The following NT5DC3 variants were observed in gnomAD, a reference collection of about 807,000 sequenced individuals.
NT5DC3 encodes the protein 5'-nucleotidase domain-containing protein 3.
In NT5DC3, 42 loss-of-function variants were observed where a neutral mutation model predicts 67.8. The observed-to-expected ratio is 0.62, with a 90% CI of 0.48 to 0.80. The LOEUF (loss-of-function observed/expected upper bound fraction) is 0.80, where lower values mean the gene tolerates loss of function less well. NT5DC3 is among the 30% of genes least tolerant of loss of function. The pLI, the probability that NT5DC3 is intolerant of heterozygous loss-of-function variation, is 0.00. For synonymous variants in NT5DC3, 237 were observed against 255.6 expected, an observed-to-expected ratio of 0.93 and a Z score of 0.69; for missense variants, 570 against 696.4, an observed-to-expected ratio of 0.82 and a Z score of 2.04.
rs755588419 is a variant in NT5DC3, at chr12:103,794,048, A to C, written c.754-51T>G. 2.8e-6 allele frequency: 4 copies of C among 1,409,580 alleles called. No homozygotes were observed. In the Admixed American group the frequency reaches 6.7e-5, roughly 24 times the overall value. The allele number at this position is 1,409,580 out of a possible 1,614,324, so 87.3% of individuals were successfully genotyped here. A position where few individuals can be genotyped will look rare whatever the true frequency, so the allele number is the denominator to read the frequency against. On this transcript the variant is annotated intron_variant, in intron 6 of 13. Transcript: ENST00000392876. ...GCGAAAATACAACTGAGATAGCCTGAGTAACAGTACAAGTGAAATGGCAGT... is the reference window on the plus strand; with the variant it reads ...GCGAAAATACAACTGAGATAGCCTGCGTAACAGTACAAGTGAAATGGCAGT...
intron 1 of NT5DC3, among the ~76,000 whole-genome samples, chr12:103,837,154 G>A (rs1272804233): frequency 6.6e-6 from 1 of 152,222 alleles, no homozygotes; most frequent in Admixed American, 6.5e-5. Flanking sequence ...GGAAGCTGAC[G>A]AGGCTTGGGG....
chr12:103,749,665 T>TA, the NT5DC3 span, among the ~76,000 whole-genome samples: 2 of 123,802 alleles, frequency 1.6e-5, no homozygotes, highest in South Asian at 2.5e-4. Context: ...CCATGTCTAC[T>TA]AAAAAAATGC....
At chr12:103,769,819 A>G (rs1885141815), downstream of NT5DC3, among the ~76,000 whole-genome samples, 1 of 152,294 alleles carries the variant, frequency 6.6e-6, no homozygotes, top group African/African-American at 2.4e-5. Flanking sequence ...AACATTTTTA[A>G]CGACAAATGT....
At chr12:103,760,802 C>T in the NT5DC3 span, among the ~76,000 whole-genome samples, 1 of 152,162 alleles carries the variant, frequency 6.6e-6, no homozygotes, top group Non-Finnish European at 1.5e-5. Context: ...ACTAGTGTCT[C>T]TCAAAATTTA....
At chr12:103,791,763 C>A (rs1478179210) in intron 9 of NT5DC3, among the ~76,000 whole-genome samples, 1 of 152,152 alleles carries the variant, frequency 6.6e-6, no homozygotes, top group Non-Finnish European at 1.5e-5. Context: ...CAACTCCTGG[C>A]AAATCAGTGG....
intron 1 of NT5DC3, among the ~76,000 whole-genome samples, chr12:103,825,295 T>C (rs78823917): frequency 0.1 from 15,450 of 152,270 alleles, 1,122 homozygotes; most frequent in East Asian, 0.29. Context: ...CTGTAAGTAA[T>C]ATCTGTATTT....
chr12:103,791,742 C>T (rs996762346), intron 9 of NT5DC3, among the ~76,000 whole-genome samples: 5 of 152,198 alleles, frequency 3.3e-5, no homozygotes, highest in African/African-American at 7.2e-5. Flanking sequence ...AGAGCATTAC[C>T]GCCTGAGCTC....
intron 1 of NT5DC3, among the ~76,000 whole-genome samples, chr12:103,828,082 A>G (rs118033087): frequency 0.021 from 3,170 of 152,394 alleles, 53 homozygotes; most frequent in Non-Finnish European, 0.031. Flanking sequence ...CTGACAAACT[A>G]GAGTGAAAGC....
At chr12:103,753,345 G>A in the NT5DC3 span, 1 of 1,614,246 alleles carries the variant, frequency 6.2e-7, no homozygotes, top group Non-Finnish European at 8.5e-7. Flanking sequence ...GCTCTCCTAT[G>A]CCCAGAAGGT....
chr12:103,773,685 C>G lies in NT5DC3; in HGVS notation c.*4144G>C, dbSNP rs181498376. On this transcript the variant is annotated 3_prime_UTR_variant, in exon 14 of 14. Coordinates refer to ENST00000392876, the MANE Select transcript of NT5DC3 (RefSeq NM_001031701.3). ...TCTTAGAGCATTCTAGACAAGGAGCCCCAAGTGGTCTTTGGCAGCAAATGA... is the reference window on the plus strand; with the variant it reads ...TCTTAGAGCATTCTAGACAAGGAGCGCCAAGTGGTCTTTGGCAGCAAATGA... 1 of 152,266 alleles carries G rather than the reference C, an allele frequency of 6.6e-6. No homozygotes were observed. Among genetic ancestry groups the G allele is most frequent in the South Asian group, 2.1e-4 (1 of 4,824 alleles). 9.4% of individuals were successfully genotyped at this position (152,266 alleles called of 1,614,324 possible). A position where few individuals can be genotyped will look rare whatever the true frequency, so the allele number is the denominator to read the frequency against.
At chr12:103,761,965 A>C in the NT5DC3 span, among the ~76,000 whole-genome samples, 1 of 152,282 alleles carries the variant, frequency 6.6e-6, no homozygotes, top group East Asian at 1.9e-4. Flanking sequence ...AGAAGCTCCA[A>C]AGCCAGACTG....
chr12:103,789,907 C>T (rs1885966929), intron 9 of NT5DC3, among the ~76,000 whole-genome samples: 1 of 152,184 alleles, frequency 6.6e-6, no homozygotes, highest in African/African-American at 2.4e-5. Flanking sequence ...CCACCATGTA[C>T]ACTTAACATT....
chr12:103,820,852 G>A (rs1425494963), intron 1 of NT5DC3: 1 of 152,242 alleles, frequency 6.6e-6, no homozygotes, highest in Non-Finnish European at 1.5e-5. Context: ...ACAAACCGAG[G>A]TCCCAAAGGC....
At chr12:103,762,374 G>C in the NT5DC3 span, 1 of 1,614,194 alleles carries the variant, frequency 6.2e-7, no homozygotes, top group Non-Finnish European at 8.5e-7. Flanking sequence ...CGGATAAACC[G>C]GAGAACAATC....
At chr12:103,785,211 T>C in intron 12 of NT5DC3, 124 bp downstream of exon 12, 3 of 883,252 alleles carry the variant, frequency 3.4e-6, no homozygotes, top group Non-Finnish European at 3.6e-6. Flanking sequence ...CAATCGTTAT[T>C]CTACAGTCTA....
At chr12:103,824,305 C>T (rs1180599053) in intron 1 of NT5DC3, among the ~76,000 whole-genome samples, 4 of 152,180 alleles carry the variant, frequency 2.6e-5, no homozygotes, top group Admixed American at 2.6e-4. Flanking sequence ...CTAATAACCA[C>T]TCTGTTTTAA....
chr12:103,750,638 G>A, the NT5DC3 span: 141 of 1,614,220 alleles, frequency 8.7e-5, no homozygotes, highest in East Asian at 1.8e-4. Flanking sequence ...ACTGTGAGCC[G>A]GAGCAGCTGC....
chr12:103,835,909 G>A (rs1473392691), intron 1 of NT5DC3, among the ~76,000 whole-genome samples: 1 of 152,204 alleles, frequency 6.6e-6, no homozygotes, highest in Non-Finnish European at 1.5e-5. Context: ...CATGGCTGGG[G>A]AGGCCTCAGA....
chr12:103,793,667 A>T (rs1566106425), intron 7 of NT5DC3, among the ~76,000 whole-genome samples, 155 bp from the exon 8 acceptor site: 1 of 152,230 alleles, frequency 6.6e-6, no homozygotes, highest in Non-Finnish European at 1.5e-5. Flanking sequence ...GAACACGGGT[A>T]CATCTGGTGC....
Sources: gnomAD v4.1 joint callset for allele counts (sites outside exome capture counted in the v4.1 genomes callset) on GRCh38, gnomAD v4.1.1 for gene constraint, MANE v1.5 for transcripts, NCBI Gene and HGNC (gene_info 2026-07-23, HGNC 2026-07-21) for gene names.